The following UST variants were observed in gnomAD, a reference collection of about 807,000 sequenced individuals.
UST encodes the protein uronyl 2-sulfotransferase.
UST carries 21 observed loss-of-function variants against 45.6 expected under a neutral mutation model. The observed-to-expected ratio is 0.46, with a 90% CI of 0.33 to 0.66. The LOEUF is 0.66. Among genes scored for constraint, UST ranks in the 30% least tolerant of loss-of-function variants. UST has a pLI of 0.02. For synonymous variants in UST, 215 were observed against 200.6 expected (o/e 1.07, Z -0.61); for missense variants, 463 against 512.4 (o/e 0.90, Z 0.93).
At chr6:149,018,301 A>G (rs942435579) in intron 5 of UST, among the ~76,000 whole-genome samples, 2 of 152,160 alleles carry the variant, frequency 1.3e-5, no homozygotes, top group African/African-American at 4.8e-5. Context: ...CATCAACCAT[A>G]TTTGGGAGTT....
intron 7 of UST, among the ~76,000 whole-genome samples, chr6:149,072,578 G>A (rs530481513): frequency 4.5e-4 from 68 of 151,890 alleles, no homozygotes; most frequent in African/African-American, 1.5e-3. Flanking sequence ...ACTTGAACCC[G>A]GGAGGTAGAG....
intron 1 of UST, among the ~76,000 whole-genome samples, chr6:148,755,662 T>C (rs1228488228): frequency 1.3e-5 from 2 of 151,654 alleles, no homozygotes; most frequent in African/African-American, 2.4e-5. Flanking sequence ...TTTCTTTTTT[T>C]TTTTAATACA....
chr6:148,915,708 A>G (rs1006919299), intron 2 of UST, among the ~76,000 whole-genome samples: 2 of 152,270 alleles, frequency 1.3e-5, no homozygotes, highest in Non-Finnish European at 2.9e-5. Context: ...AATCTTGGAA[A>G]GAAAAGATTG....
At chr6:148,864,278 T>C (rs1778381511) in intron 1 of UST, among the ~76,000 whole-genome samples, 1 of 152,218 alleles carries the variant, frequency 6.6e-6, no homozygotes, top group Non-Finnish European at 1.5e-5. Context: ...CGAGTGAGGC[T>C]CCATGGGCGT....
At chr6:148,860,214 A>C (rs961642874) in intron 1 of UST, among the ~76,000 whole-genome samples, 21 of 152,246 alleles carry the variant, frequency 1.4e-4, no homozygotes, top group African/African-American at 3.9e-4. Context: ...CCTTCACATC[A>C]CTTGTACGTT....
intron 7 of UST, among the ~76,000 whole-genome samples, chr6:149,069,659 T>G (rs563678472): frequency 1.3e-5 from 2 of 152,326 alleles, no homozygotes; most frequent in African/African-American, 4.8e-5. Context: ...GAAGAGAGTT[T>G]TATTGTCATG....
chr6:149,054,932 AAG>A (rs1776540152), intron 7 of UST, among the ~76,000 whole-genome samples: 1 of 152,144 alleles, frequency 6.6e-6, no homozygotes, highest in South Asian at 2.1e-4. Flanking sequence ...AGCAATCTGA[AAG>A]AGAGACATTT....
chr6:148,804,455 C>T (rs1777111242), intron 1 of UST, among the ~76,000 whole-genome samples: 1 of 152,156 alleles, frequency 6.6e-6, no homozygotes. Flanking sequence ...ACTGCAGTGC[C>T]ACATGCAAGG....
chr6:149,005,036 C>T (rs948941783), intron 5 of UST, among the ~76,000 whole-genome samples: 28 of 151,524 alleles, frequency 1.8e-4, no homozygotes, highest in African/African-American at 6.8e-4. Context: ...GTAGAGACAA[C>T]TTTTTGTTGC....
intron 7 of UST, among the ~76,000 whole-genome samples, chr6:149,055,690 T>C (rs1472306476): frequency 6.6e-6 from 1 of 152,210 alleles, no homozygotes; most frequent in Non-Finnish European, 1.5e-5. Flanking sequence ...CATTGGCTGA[T>C]TGTTTCTTTT....
At chr6:149,050,618 G>C (rs1245539142) in intron 7 of UST, among the ~76,000 whole-genome samples, 1 of 152,110 alleles carries the variant, frequency 6.6e-6, no homozygotes, top group African/African-American at 2.4e-5. Flanking sequence ...GTTTAGGCTT[G>C]ATATTTTTCA....
At chr6:148,973,968 C>T (rs530664506) in intron 5 of UST, among the ~76,000 whole-genome samples, 48 of 152,294 alleles carry the variant, frequency 3.2e-4, no homozygotes, top group African/African-American at 1.2e-3. Flanking sequence ...AAAATACTTG[C>T]TTCACTCAGG....
chr6:149,017,116 G>A (rs548190085), intron 5 of UST, among the ~76,000 whole-genome samples: 56 of 152,348 alleles, frequency 3.7e-4, no homozygotes, highest in African/African-American at 1.3e-3. Context: ...AGTGGCTCAC[G>A]CCTGTAATCC....
At chr6:148,975,093 A>AAT (rs1780990955) in intron 5 of UST, among the ~76,000 whole-genome samples, 1 of 152,224 alleles carries the variant, frequency 6.6e-6, no homozygotes, top group African/African-American at 2.4e-5. Flanking sequence ...TATCACTATT[A>AAT]ATAAAAACCC....
At chr6:148,893,621 C>T (rs555228423) in intron 2 of UST, among the ~76,000 whole-genome samples, 1 of 152,320 alleles carries the variant, frequency 6.6e-6, no homozygotes, top group African/African-American at 2.4e-5. Context: ...GTCTTGGGCT[C>T]TGTGCTGGGT....
At chr6:148,822,366 T>C (rs151059085) in intron 1 of UST, among the ~76,000 whole-genome samples, 2 of 152,322 alleles carry the variant, frequency 1.3e-5, no homozygotes, top group African/African-American at 4.8e-5. Flanking sequence ...GTCAATATAC[T>C]TACATTTTTG....
chr6:148,772,958 C>G (rs921985255), intron 1 of UST, among the ~76,000 whole-genome samples: 1 of 152,066 alleles, frequency 6.6e-6, no homozygotes, highest in African/African-American at 2.4e-5. Flanking sequence ...TTGCGAACCT[C>G]TTTTTCCAAT....
At chr6:149,049,962 C>CACAG (rs1554237861) in intron 7 of UST, among the ~76,000 whole-genome samples, 31,020 of 145,128 alleles carry the variant, frequency 0.21, 3,597 homozygotes, top group Middle Eastern at 0.28. Flanking sequence ...CACACACACA[C>CACAG]ACACGTGGCC....
intron 5 of UST, among the ~76,000 whole-genome samples, chr6:148,997,295 G>A (rs138464371): frequency 1.1e-3 from 168 of 152,246 alleles, no homozygotes; most frequent in African/African-American, 3.9e-3. Context: ...TTTTATTTTA[G>A]AAGAGAAAGA....
Sources: gnomAD v4.1 joint callset for allele counts (sites outside exome capture counted in the v4.1 genomes callset) on GRCh38, gnomAD v4.1.1 for gene constraint, MANE v1.5 for transcripts, NCBI Gene and HGNC (gene_info 2026-07-23, HGNC 2026-07-21) for gene names.